CDH6: variants seen among roughly 807,000 people sequenced by gnomAD.
CDH6 encodes the protein cadherin-6.
CDH6 carries 31 observed loss-of-function variants against 78.0 expected under a neutral mutation model. The ratio of observed to expected loss-of-function variants is 0.40; its 90% CI spans 0.30 to 0.54. CDH6 has a LOEUF of 0.54. CDH6 is among the 20% of genes least tolerant of loss of function. The pLI is 0.56. For missense variants in CDH6, 724 were observed against 975.9 expected (o/e 0.74, Z 3.44); for synonymous variants, 376 against 368.8 (o/e 1.02, Z -0.23).
At chr5:31,292,534 A>G (rs1271425212) in intron 2 of CDH6, among the ~76,000 whole-genome samples, 3 of 152,128 alleles carry the variant, frequency 2.0e-5, no homozygotes, top group Admixed American at 6.5e-5. Flanking sequence ...AAGACTTGGC[A>G]TAACTGTTGT....
At chr5:31,296,017 G>A (rs964298375) in intron 3 of CDH6, among the ~76,000 whole-genome samples, 3 of 152,154 alleles carry the variant, frequency 2.0e-5, no homozygotes, top group Non-Finnish European at 2.9e-5. Context: ...CACCTCCCTT[G>A]CCAAATTACA....
chr5:31,251,219 C>T (rs1741899443), intron 1 of CDH6: 1 of 152,220 alleles, frequency 6.6e-6, no homozygotes, highest in Non-Finnish European at 1.5e-5. Flanking sequence ...CTTGACTTCT[C>T]CTCTCACTTA....
intron 1 of CDH6, among the ~76,000 whole-genome samples, chr5:31,219,956 C>T (rs1236404122): frequency 1.3e-5 from 2 of 152,200 alleles, no homozygotes; most frequent in Non-Finnish European, 2.9e-5. Context: ...TTAATTTCCA[C>T]ACATATTGTA....
chr5:31,214,822 C>T (rs76119088), intron 1 of CDH6, among the ~76,000 whole-genome samples: 340 of 152,206 alleles, frequency 2.2e-3, no homozygotes, highest in African/African-American at 7.8e-3. Context: ...TTTGAACCTT[C>T]GATGTAAAAA....
At position 31,305,179 on chromosome 5, in the gene CDH6, G is replaced by A; in HGVS notation, c.1005G>A (p.Leu335=). 2 of 1,610,542 alleles carry A rather than the reference G, an allele frequency of 1.2e-6. No homozygotes were observed. The highest frequency in any genetic ancestry group is 1.7e-6 in the Non-Finnish European group (2 of 1,178,264). ...QEGIITVKKL[L]DFEKKKVYTL... is the part of the protein sequence containing the mutation. The stretch of plus-strand genomic sequence containing the variant: ...CCCCCACCCCCAACCTCAAGCTCTT[G>A]GACTTTGAAAAGAAGAAAGTGTATA... Residue 335 remains leucine (L), a synonymous_variant, in exon 7 of 12, where the codon TTG becomes TTA. Coordinates refer to ENST00000265071, the MANE Select transcript of CDH6 (RefSeq NM_004932.4).
chr5:31,199,083 C>G (rs1053188196), intron 1 of CDH6, among the ~76,000 whole-genome samples: 2 of 151,908 alleles, frequency 1.3e-5, no homozygotes, highest in African/African-American at 4.8e-5. Flanking sequence ...GCCTGCAATC[C>G]AAAGTATACA....
At chr5:31,209,082 C>T (rs554468565) in intron 1 of CDH6, among the ~76,000 whole-genome samples, 2 of 152,248 alleles carry the variant, frequency 1.3e-5, no homozygotes, top group African/African-American at 4.8e-5. Context: ...AATGTGATAT[C>T]CATCATTCTG....
intron 11 of CDH6, chr5:31,318,750 A>C (rs1368430178): frequency 4.4e-6 from 1 of 226,342 alleles, no homozygotes. Flanking sequence ...TAGTGAAAAG[A>C]AAAGGTAAGA....
intron 1 of CDH6, among the ~76,000 whole-genome samples, chr5:31,253,695 A>G (rs10472188): frequency 0.048 from 7,364 of 152,214 alleles, 574 homozygotes; most frequent in African/African-American, 0.16. Context: ...TATATATTCA[A>G]TCAATAGCAC....
chr5:31,302,960 A>AAGG lies in CDH6; in HGVS notation c.999+663_999+664insGGA, dbSNP rs1561066596. On this transcript the variant is annotated intron_variant, in intron 6 of 11. Transcript: ENST00000265071. ...GAAAGAAAGAAAGAAAGAAAGAAGG[A>AAGG]AAGAAAAGAAAGAAAGAAAGAAAGA... Among the ~76,000 whole-genome samples, 250 of 123,114 alleles carry AAGG rather than the reference A, an allele frequency of 2.0e-3. 2 individuals carry two copies. The highest frequency in any genetic ancestry group is 6.6e-3 in the African/African-American group (243 of 36,600). The allele number at this position is 123,114 out of a possible 152,430, so 80.8% of individuals were successfully genotyped here. A position where few individuals can be genotyped will look rare whatever the true frequency, so the allele number is the denominator to read the frequency against.
rs1474026829 is a variant in CDH6, at chr5:31,221,152, C to T, written c.-129+27266C>T. On this transcript the variant is annotated intron_variant, in intron 1 of 11. Transcript: ENST00000265071. ...CAAGCACAGCCTGGCTGCACATTGA[C>T]GAAGTCCTTTGTCAACAGCAGCGAC... 3.9e-5 allele frequency among the ~76,000 whole-genome samples: 6 copies of T among 152,288 alleles called. No homozygotes were observed. In the Middle Eastern group the frequency reaches 0.01, roughly 259 times the overall value.
rs1277083026 is a variant in CDH6, at chr5:31,326,412, T to A, written c.*3104T>A. 4.8e-6 allele frequency: 1 copy of A among 207,112 alleles called. No homozygotes were observed. The highest frequency in any genetic ancestry group is 2.3e-5 in the African/African-American group (1 of 43,888). The allele number at this position is 207,112 out of a possible 1,614,324, so 12.8% of individuals were successfully genotyped here. On this transcript the variant is annotated 3_prime_UTR_variant, in exon 12 of 12. Coordinates refer to ENST00000265071, the MANE Select transcript of CDH6 (RefSeq NM_004932.4). ...ACTTCTGAAAGGCCTAAAAAACATTTGTGCCCAAATAAGTAAATAAACCAA... is the reference window on the plus strand; with the variant it reads ...ACTTCTGAAAGGCCTAAAAAACATTAGTGCCCAAATAAGTAAATAAACCAA...
chr5:31,276,473 A>T (rs1378049421), intron 2 of CDH6, among the ~76,000 whole-genome samples: 2 of 152,218 alleles, frequency 1.3e-5, no homozygotes, highest in Non-Finnish European at 2.9e-5. Flanking sequence ...TAAATATTTT[A>T]GGTGAGTTGG....
At chr5:31,273,771 T>G (rs1156844705) in intron 2 of CDH6, among the ~76,000 whole-genome samples, 1 of 152,262 alleles carries the variant, frequency 6.6e-6, no homozygotes, top group African/African-American at 2.4e-5. Flanking sequence ...TTTAAAGAGC[T>G]GCACGAATGT....
At chr5:31,315,421 G>A (rs1738290216) in intron 8 of CDH6, among the ~76,000 whole-genome samples, 1 of 152,220 alleles carries the variant, frequency 6.6e-6, no homozygotes, top group Non-Finnish European at 1.5e-5. Flanking sequence ...AATGAAGAGA[G>A]GTGAGGTGAT....
At chr5:31,275,536 A>G (rs1393439979) in intron 2 of CDH6, among the ~76,000 whole-genome samples, 1 of 152,152 alleles carries the variant, frequency 6.6e-6, no homozygotes, top group African/African-American at 2.4e-5. Context: ...ACATGATTTC[A>G]TTCTTTTTTA....
chr5:31,217,136 A>G (rs1740889091), intron 1 of CDH6, among the ~76,000 whole-genome samples: 1 of 152,184 alleles, frequency 6.6e-6, no homozygotes, highest in Admixed American at 6.6e-5. Context: ...TGTGTGTTGA[A>G]TAGTCAATTT....
intron 7 of CDH6, among the ~76,000 whole-genome samples, chr5:31,307,884 A>T (rs578193078): frequency 3.3e-4 from 51 of 152,322 alleles, no homozygotes; most frequent in African/African-American, 1.1e-3. Context: ...GTTTTATGAA[A>T]GAAAGTAGTT....
chr5:31,291,438 A>G (rs1241553497), intron 2 of CDH6, among the ~76,000 whole-genome samples: 1 of 152,192 alleles, frequency 6.6e-6, no homozygotes, highest in Non-Finnish European at 1.5e-5. Flanking sequence ...TTAATGTACT[A>G]TTTGCATGTG....
Sources: gnomAD v4.1 joint callset for allele counts (sites outside exome capture counted in the v4.1 genomes callset) on GRCh38, gnomAD v4.1.1 for gene constraint, MANE v1.5 for transcripts, NCBI Gene and HGNC (gene_info 2026-07-23, HGNC 2026-07-21) for gene names.